Variants in FSTL5 observed in about 807,000 individuals in gnomAD.
FSTL5 encodes follistatin like 5, also known as follistatin-related protein 5.
FSTL5 carries 62 observed loss-of-function variants against 89.1 expected under a neutral mutation model. The observed-to-expected ratio is 0.70, with a 90% CI of 0.57 to 0.86. The LOEUF (loss-of-function observed/expected upper bound fraction) is 0.86, where lower values mean the gene tolerates loss of function less well. Among genes scored for constraint, FSTL5 ranks in the 40% least tolerant of loss-of-function variants. FSTL5 has a pLI of 0.00. For synonymous variants in FSTL5, 383 were observed against 346.2 expected (o/e 1.11, Z -1.18); for missense variants, 1,057 against 1,001.6 (o/e 1.06, Z -0.75).
At chr4:161,578,906 G>A (rs1251297041) in intron 8 of FSTL5, among the ~76,000 whole-genome samples, 1 of 151,970 alleles carries the variant, frequency 6.6e-6, no homozygotes, top group Non-Finnish European at 1.5e-5. Context: ...TTAAAAAAAA[G>A]TAAAAATATC....
chr4:161,447,745 T>C (rs1244747463), intron 15 of FSTL5, among the ~76,000 whole-genome samples: 1 of 152,110 alleles, frequency 6.6e-6, no homozygotes, highest in Non-Finnish European at 1.5e-5. Flanking sequence ...GTTTACTTCA[T>C]TAGAAATAAG....
chr4:161,677,369 GCATCT>G (rs1737342610), intron 6 of FSTL5, among the ~76,000 whole-genome samples: 1 of 151,892 alleles, frequency 6.6e-6, no homozygotes, highest in Non-Finnish European at 1.5e-5. Flanking sequence ...ATAAAGCATG[GCATCT>G]CAGGGAAAAA....
At chr4:161,781,913 G>C in intron 4 of FSTL5, among the ~76,000 whole-genome samples, 1 of 152,004 alleles carries the variant, frequency 6.6e-6, no homozygotes, top group Non-Finnish European at 1.5e-5. Flanking sequence ...ACTTTCTCCT[G>C]TAACCCTTGG....
chr4:161,890,323 A>AAATT (rs1732945028), intron 4 of FSTL5, among the ~76,000 whole-genome samples: 1 of 152,188 alleles, frequency 6.6e-6, no homozygotes, highest in African/African-American at 2.4e-5. Flanking sequence ...GCACAAATTC[A>AAATT]AATTTGGATG....
chr4:161,667,735 T>G (rs1736953268), intron 6 of FSTL5, among the ~76,000 whole-genome samples: 2 of 152,102 alleles, frequency 1.3e-5, no homozygotes, highest in South Asian at 4.1e-4. Flanking sequence ...ACCTGTTTAT[T>G]TATCTCATGT....
chr4:161,691,658 A>G (rs184881767), intron 6 of FSTL5, among the ~76,000 whole-genome samples: 89 of 152,262 alleles, frequency 5.8e-4, no homozygotes, highest in Non-Finnish European at 1.1e-3. Context: ...TAAACAGTGG[A>G]TGTCGTTTCC....
chr4:161,529,720 T>C (rs1255770609), intron 10 of FSTL5, among the ~76,000 whole-genome samples: 2 of 142,616 alleles, frequency 1.4e-5, no homozygotes, highest in Non-Finnish European at 3.1e-5. Context: ...TTGGTTCTAT[T>C]TGACTCTAGC....
chr4:161,992,912 A>G (rs61193241), intron 3 of FSTL5, among the ~76,000 whole-genome samples: 100 of 7,814 alleles, frequency 0.013, 3 homozygotes, highest in South Asian at 0.052. Context: ...GTGTATATAT[A>G]TATATATATA....
At chr4:161,480,131 T>C (rs1364132938) in intron 13 of FSTL5, among the ~76,000 whole-genome samples, 1 of 152,202 alleles carries the variant, frequency 6.6e-6, no homozygotes, top group African/African-American at 2.4e-5. Context: ...AAAGAATGTT[T>C]TGGGTCCAGT....
Position 161,542,673 on chromosome 4 carries a change from A to G in FSTL5, c.1036T>C (p.Tyr346His). 1 of 1,500,932 alleles carries G rather than the reference A, an allele frequency of 6.7e-7. No homozygotes were observed. Among genetic ancestry groups the G allele is most frequent in the South Asian group, 1.4e-5 (1 of 70,828 alleles). 93.0% of individuals were successfully genotyped at this position (1,500,932 alleles called of 1,614,324 possible). ...QVNVPPVIRV[Y>H]PESQAREPGV... ...GGCTCTCTAGCCTGACTCTCTGGAT[A>G]CACCCGGATGACTGGAGGAACTAAA... is the stretch of plus-strand genomic sequence containing the variant. The change falls in exon 9 of 16, where the codon TAT (tyrosine) becomes CAT (histidine). Residue 346 changes from tyrosine (Y) to histidine (H), a missense_variant. Physicochemically the swap from Tyr to His is moderately conservative, Grantham distance 83 (BLOSUM62 2). This residue lies in a region of FSTL5 where 980 missense variants were observed against 903.2 expected (regional missense o/e 1.08). Coordinates refer to ENST00000306100, the MANE Select transcript of FSTL5 (RefSeq NM_020116.5).
At chr4:161,633,117 T>A (rs916963995) in intron 7 of FSTL5, among the ~76,000 whole-genome samples, 1 of 151,902 alleles carries the variant, frequency 6.6e-6, no homozygotes, top group Non-Finnish European at 1.5e-5. Context: ...ATTTCATAGG[T>A]GCATATCTCT....
chr4:161,431,519 C>T (rs1323846133), intron 15 of FSTL5, among the ~76,000 whole-genome samples: 1 of 149,566 alleles, frequency 6.7e-6, no homozygotes, highest in Non-Finnish European at 1.5e-5. Flanking sequence ...AAATCACCTT[C>T]ACTTAAAAGA....
intron 7 of FSTL5, among the ~76,000 whole-genome samples, chr4:161,596,709 T>A (rs1194091210): frequency 1.3e-5 from 2 of 152,104 alleles, no homozygotes; most frequent in African/African-American, 4.8e-5. Context: ...GTTTTATAAA[T>A]GTGGTTTGGA....
At chr4:161,833,442 C>A (rs1240438832) in intron 4 of FSTL5, among the ~76,000 whole-genome samples, 2 of 98,058 alleles carry the variant, frequency 2.0e-5, no homozygotes, top group Non-Finnish European at 4.6e-5. Context: ...TCCTTGTTAA[C>A]TTTCTGTCTC....
At chr4:162,035,060 G>A (rs983170217) in intron 2 of FSTL5, 7 of 152,034 alleles carry the variant, frequency 4.6e-5, no homozygotes, top group African/African-American at 1.7e-4. Context: ...ATAACTAGTA[G>A]GGTTAAGTTT....
chr4:161,639,641 T>C (rs951002121), intron 7 of FSTL5, among the ~76,000 whole-genome samples: 1 of 152,174 alleles, frequency 6.6e-6, no homozygotes, highest in Admixed American at 6.5e-5. Context: ...CTAGAGTCTG[T>C]AGAAGGCTTG....
intron 4 of FSTL5, among the ~76,000 whole-genome samples, chr4:161,911,117 T>C (rs1560911749): frequency 6.6e-6 from 1 of 152,160 alleles, no homozygotes; most frequent in Non-Finnish European, 1.5e-5. Flanking sequence ...ATATTACATC[T>C]CTATGTAAAA....
At chr4:161,606,422 G>C (rs1734442505) in intron 7 of FSTL5, among the ~76,000 whole-genome samples, 2 of 151,574 alleles carry the variant, frequency 1.3e-5, no homozygotes, top group Admixed American at 1.3e-4. Context: ...AATAGAGACG[G>C]GGTTGCACCA....
chr4:161,673,235 G>A (rs1737182326), intron 6 of FSTL5, among the ~76,000 whole-genome samples: 1 of 151,794 alleles, frequency 6.6e-6, no homozygotes. Flanking sequence ...ATTTTCTATG[G>A]GACATTTGAT....
Sources: allele counts gnomAD v4.1 joint callset (sites outside exome capture counted in the v4.1 genomes callset), GRCh38; gene constraint gnomAD v4.1.1; regional missense constraint gnomAD v4.1.1; transcripts MANE v1.5; gene names NCBI Gene and HGNC (gene_info 2026-07-23, HGNC 2026-07-21).